DECR1: variants seen among roughly 807,000 people sequenced by gnomAD.
The protein encoded by DECR1 is 2,4-dienoyl-CoA reductase [(3E)-enoyl-CoA-producing], mitochondrial.
In DECR1, 44 loss-of-function variants were observed where a neutral mutation model predicts 38.8. The ratio of observed to expected loss-of-function variants is 1.13; its 90% CI spans 0.89 to 1.46. The LOEUF (loss-of-function observed/expected upper bound fraction) is 1.46, where lower values mean the gene tolerates loss of function less well. Among genes scored for constraint, DECR1 ranks in the 40% most tolerant of loss-of-function variants. The probability of loss-of-function intolerance (pLI) is 0.00; values close to 1 mark genes in which losing one functional copy is unlikely to be tolerated. For missense variants in DECR1, 428 were observed against 405.5 expected (o/e 1.06, Z -0.48); for synonymous variants, 148 against 135.2 (o/e 1.09, Z -0.66).
chr8:90,038,561 C>T (rs1330665075), intron 6 of DECR1, among the ~76,000 whole-genome samples: 2 of 148,284 alleles, frequency 1.3e-5, no homozygotes, highest in Admixed American at 6.9e-5. Context: ...TGGGTTCAAG[C>T]GATTCTCCTG....
intron 4 of DECR1, among the ~76,000 whole-genome samples, chr8:90,020,393 A>G (rs972762708): frequency 4.6e-5 from 7 of 152,170 alleles, no homozygotes; most frequent in African/African-American, 1.4e-4. Flanking sequence ...TTAAAATTTT[A>G]TTCATTTATT....
At chr8:90,016,033 T>A (rs1812998228) in intron 1 of DECR1, among the ~76,000 whole-genome samples, 1 of 152,220 alleles carries the variant, frequency 6.6e-6, no homozygotes, top group African/African-American at 2.4e-5. Context: ...AAAGTTTGTT[T>A]TATGATTAAA....
chr8:90,034,841 C>T (rs1409078922), intron 5 of DECR1, among the ~76,000 whole-genome samples: 1 of 152,058 alleles, frequency 6.6e-6, no homozygotes, highest in Non-Finnish European at 1.5e-5. Flanking sequence ...AGCTTTTATA[C>T]AATCATTTTA....
intron 1 of DECR1, among the ~76,000 whole-genome samples, chr8:90,006,599 T>C (rs1812746802): frequency 6.6e-6 from 1 of 152,068 alleles, no homozygotes; most frequent in Non-Finnish European, 1.5e-5. Context: ...TGCATTGGGT[T>C]TGGAGACACT....
intron 6 of DECR1, 107 bp downstream of exon 6, chr8:90,037,047 A>G (rs1813635057): frequency 2.7e-6 from 2 of 740,098 alleles, no homozygotes; most frequent in South Asian, 3.4e-5. Flanking sequence ...AAGTAAACAA[A>G]GACTTGGATT....
chr8:90,041,232 CT>C (rs1324876923), intron 6 of DECR1, among the ~76,000 whole-genome samples: 1 of 151,330 alleles, frequency 6.6e-6, no homozygotes, highest in Non-Finnish European at 1.5e-5. Context: ...TGATGATGAG[CT>C]TTTTTTTTCA....
At chr8:90,027,061 G>A (rs1053708055) in intron 5 of DECR1, among the ~76,000 whole-genome samples, 5 of 152,154 alleles carry the variant, frequency 3.3e-5, no homozygotes, top group East Asian at 1.9e-4. Context: ...CTGAGTTGTC[G>A]TTTGATTGCA....
At position 90,016,625 on chromosome 8, in the gene DECR1, G is replaced by A. The variant is rs564280556; in HGVS notation, c.70-499G>A. On this transcript the variant is annotated intron_variant, in intron 1 of 9. Transcript: ENST00000220764. ...CTGCACTCCAGCCTGGCTACAGAGC[G>A]AGACTCCATCTCAAAAAAACAAACA... The A allele has an allele frequency of 3.2e-4, 51 of 158,720 alleles. No individual in the cohort carries two copies. In the South Asian group the frequency reaches 4.9e-3, roughly 15 times the overall value. 9.8% of individuals were successfully genotyped at this position (158,720 alleles called of 1,614,324 possible).
chr8:90,028,304 G>A (rs1291615901), intron 5 of DECR1, among the ~76,000 whole-genome samples: 1 of 152,046 alleles, frequency 6.6e-6, no homozygotes, highest in Non-Finnish European at 1.5e-5. Context: ...TAACATTCAA[G>A]TTAAAATGTT....
intron 8 of DECR1, among the ~76,000 whole-genome samples, chr8:90,046,128 T>A (rs554531315): frequency 4.2e-4 from 64 of 152,350 alleles, no homozygotes; most frequent in Non-Finnish European, 6.9e-4. Flanking sequence ...AGAGCGCCTC[T>A]TCTCTTCCAA....
intron 4 of DECR1, among the ~76,000 whole-genome samples, chr8:90,020,457 C>T (rs1044766618): frequency 1.3e-5 from 2 of 152,150 alleles, no homozygotes; most frequent in Admixed American, 6.5e-5. Flanking sequence ...GGCACAATCA[C>T]GGCTCAGTGG....
chr8:90,023,020 A>G (rs1813204333), intron 5 of DECR1, among the ~76,000 whole-genome samples: 1 of 152,214 alleles, frequency 6.6e-6, no homozygotes, highest in Non-Finnish European at 1.5e-5. Context: ...CAGAGTTTGG[A>G]GAACTTGGAC....
At chr8:90,015,798 T>C (rs1006504963) in intron 1 of DECR1, 19 of 325,292 alleles carry the variant, frequency 5.8e-5, no homozygotes, top group South Asian at 5.0e-4. Flanking sequence ...TGCAAGCTGG[T>C]TATCAGAGAA....
At chr8:90,043,208 G>T (rs995784489) in intron 7 of DECR1, among the ~76,000 whole-genome samples, 5 of 151,990 alleles carry the variant, frequency 3.3e-5, no homozygotes, top group African/African-American at 1.2e-4. Context: ...GAGATGCTTT[G>T]GTAACTTATT....
At chr8:90,006,293 T>G (rs1400790203) in intron 1 of DECR1, 1 of 704,132 alleles carries the variant, frequency 1.4e-6, no homozygotes, top group Admixed American at 2.0e-5. Context: ...TCCAGTTTTA[T>G]GAGAGTGTTG....
At chr8:90,044,441 AT>A in intron 7 of DECR1, among the ~76,000 whole-genome samples, 1 of 152,146 alleles carries the variant, frequency 6.6e-6, no homozygotes, top group Non-Finnish European at 1.5e-5. Flanking sequence ...TCCTTTTCCA[AT>A]ACTTTGGGAT....
At chr8:90,025,050 C>G (rs574529559) in intron 5 of DECR1, among the ~76,000 whole-genome samples, 2 of 152,280 alleles carry the variant, frequency 1.3e-5, no homozygotes, top group Non-Finnish European at 2.9e-5. Context: ...GGTATTACTT[C>G]TGAGGGCTCT....
intron 7 of DECR1, among the ~76,000 whole-genome samples, 167 bp from the exon 8 acceptor site, chr8:90,044,682 T>A (rs1317123065): frequency 6.6e-6 from 1 of 152,242 alleles, no homozygotes; most frequent in Non-Finnish European, 1.5e-5. Flanking sequence ...TATTTTCCAG[T>A]GATCTATTTT....
At chr8:90,042,911 G>A (rs1586163917) in intron 7 of DECR1, 111 bp downstream of exon 7, 1 of 889,956 alleles carries the variant, frequency 1.1e-6, no homozygotes, top group East Asian at 2.4e-5. Context: ...TAGGTTTAGA[G>A]CCCTGGTTCT....
Sources: allele counts gnomAD v4.1 joint callset (sites outside exome capture counted in the v4.1 genomes callset), GRCh38; gene constraint gnomAD v4.1.1; transcripts MANE v1.5; gene names NCBI Gene and HGNC (gene_info 2026-07-23, HGNC 2026-07-21).